Variants in RBM12 observed in about 807,000 individuals in gnomAD.
RBM12 encodes RNA binding motif protein 12.
Under a neutral mutation model 37.2 loss-of-function variants are expected in RBM12, and 24 were observed. That is an observed-to-expected ratio of 0.65 (90% CI 0.47 to 0.91). RBM12 has a LOEUF of 0.91. Among genes scored for constraint, RBM12 ranks in the 40% least tolerant of loss-of-function variants. The pLI is 0.00. For missense variants in RBM12, 1,061 were observed against 1,183.2 expected (o/e 0.90, Z 1.52); for synonymous variants, 420 against 425.2 (o/e 0.99, Z 0.15).
At position 35,653,533 on chromosome 20, in the gene RBM12, T is replaced by C. The variant is rs750141339; in HGVS notation, c.1790A>G (p.Asp597Gly). 6.2e-7 allele frequency: 1 copy of C among 1,614,138 alleles called. No individual in the cohort carries two copies. The highest frequency in any genetic ancestry group is 1.3e-5 in the African/African-American group (1 of 74,944). The change falls in exon 3 of 3, where the codon GAT becomes GGT. Residue 597 changes from aspartate (D) to glycine (G), a missense_variant. Coordinates refer to ENST00000374114, the MANE Select transcript of RBM12 (RefSeq NM_006047.6). ...QALVQFKNED[D>G]ARKSERLHRK... ...GTGTAAGCGTTCAGACTTACGTGCA[T>C]CATCTTCATTTTTAAACTGAACCAA...
At position 35,654,816 on chromosome 20, in the gene RBM12, T is replaced by C; in HGVS notation, c.507A>G (p.Pro169=). Residue 169 remains proline (P), a synonymous_variant, in exon 3 of 3, where the codon CCA becomes CCG. Coordinates refer to ENST00000374114, the MANE Select transcript of RBM12 (RefSeq NM_006047.6). ...TGCTTGGAACAGTTGAGCTAAACGT[T>C]GGGCTCCCAAAGGAAGCCCCCATAT... The part of the protein sequence containing the change: ...PPNMGASFGS[P]TFSSTVPSTA... The C allele has an allele frequency of 6.2e-7, 1 of 1,614,228 alleles. No individual in the cohort carries two copies.
Position 35,654,847 on chromosome 20 carries a change from G to C in RBM12, c.476C>G (p.Pro159Arg). The C allele has an allele frequency of 6.2e-7, 1 of 1,614,212 alleles. No individual in the cohort carries two copies. The highest frequency in any genetic ancestry group is 1.3e-5 in the African/African-American group (1 of 75,038). ...TFSTASVGTA[P>R]PNMGASFGSP... ...CCCAAAGGAAGCCCCCATATTTGGA[G>C]GAGCTGTTCCTACGCTGGCTGTGGA... The change falls in exon 3 of 3, where the codon CCT (proline) becomes CGT (arginine). Residue 159 changes from proline to arginine, a missense_variant. By Grantham distance (103) the Pro-to-Arg change is moderately radical. Coordinates refer to ENST00000374114, the MANE Select transcript of RBM12 (RefSeq NM_006047.6).
Position 35,654,651 on chromosome 20 carries a change from G to T in RBM12, c.672C>A (p.Pro224=). ...VPTLPPVPPV[P]PIPPVPSVPP... ...GCACAGAAGGAACTGGGGGAATCGG[G>T]GGCACAGGAGGCACAGGAGGCAATG... Residue 224 remains proline, a synonymous_variant, in exon 3 of 3, where the codon CCC becomes CCA. Transcript: ENST00000374114. 1.9e-6 allele frequency: 3 copies of T among 1,613,820 alleles called. No homozygotes were observed. In the South Asian group the frequency reaches 3.3e-5, roughly 18 times the overall value.
Position 35,654,074 on chromosome 20 carries a change from G to C in RBM12, c.1249C>G (p.Gln417Glu), listed in dbSNP as rs752561317. 1 of 1,614,176 alleles carries C rather than the reference G, an allele frequency of 6.2e-7. No homozygotes were observed. The highest frequency in any genetic ancestry group is 8.5e-7 in the Non-Finnish European group (1 of 1,180,038). ...GGTGATCTTGACCTTGATCTTTTCTGCCCACTGGGCGATTTTGACCTGGGA... is the reference window on the plus strand; with the variant it reads ...GGTGATCTTGACCTTGATCTTTTCTCCCCACTGGGCGATTTTGACCTGGGA... ...TLPRSKSPSG[Q>E]KRSRSRSPHE... The change falls in exon 3 of 3, where the codon CAG (glutamine) becomes GAG (glutamate). Residue 417 changes from glutamine to glutamate, a missense_variant. Transcript: ENST00000374114.
rs779714290 is a variant in RBM12 at position 35,654,390 on chromosome 20, C to T, written c.933G>A (p.Met311Ile). ...CATCATTTTCCATTGCAGAAAAGGGCATTCCATGCACACTGACATACAGAT... is the reference window on the plus strand; with the variant it reads ...CATCATTTTCCATTGCAGAAAAGGGTATTCCATGCACACTGACATACAGAT... ...PDDLYVSVHG[M>I]PFSAMENDVR... is the part of the protein sequence containing the mutation. Residue 311 changes from methionine to isoleucine, a missense_variant, in exon 3 of 3, where the codon ATG (methionine) becomes ATA (isoleucine). Transcript: ENST00000374114. The T allele has an allele frequency of 1.2e-6, 2 of 1,614,098 alleles. No individual in the cohort carries two copies. The highest frequency in any genetic ancestry group is 1.1e-5 in the South Asian group (1 of 91,080).
chr20:35,655,293 G>A lies in RBM12; in HGVS notation c.30C>T (p.Leu10=). The A allele has an allele frequency of 1.2e-6, 2 of 1,611,458 alleles. No individual in the cohort carries two copies. The highest frequency in any genetic ancestry group is 1.7e-6 in the Non-Finnish European group (2 of 1,179,944). MAVVIRLQG[L]PIVAGTMDIR... ...TGTCCATGGTCCCCGCCACAATTGG[G>A]AGACCTTGCAAACGGATGACCACAG... The change falls in exon 3 of 3, where the codon CTC becomes CTT. Residue 10 remains leucine, a synonymous_variant. Transcript: ENST00000374114.
Position 35,653,985 on chromosome 20 carries a change from G to A in RBM12, c.1338C>T (p.Val446=), listed in dbSNP as rs1433550912. ...TATCCAGCTTTTTAAAAAAATCAATGACATGTTTGTTTTCTGCTTCAAATG... is the reference window on the plus strand; with the variant it reads ...TATCCAGCTTTTTAAAAAAATCAATAACATGTTTGTTTTCTGCTTCAAATG... ...GLPFEAENKH[V]IDFFKKLDIV... Residue 446 remains valine (V), a synonymous_variant, in exon 3 of 3, where the codon GTC becomes GTT. Coordinates refer to ENST00000374114, the MANE Select transcript of RBM12 (RefSeq NM_006047.6). 22 of 1,614,098 alleles carry A rather than the reference G, an allele frequency of 1.4e-5. No individual in the cohort carries two copies. Among genetic ancestry groups the A allele is most frequent in the Non-Finnish European group, 1.8e-5 (21 of 1,180,034 alleles).
At chr20:35,658,034 G>A (rs999865429) in intron 2 of RBM12, among the ~76,000 whole-genome samples, 2 of 151,790 alleles carry the variant, frequency 1.3e-5, no homozygotes, top group African/African-American at 2.4e-5. Context: ...CAACAAGAGC[G>A]AAACTCTGTC....
In RBM12 at chr20:35,653,514, G is replaced by T. The variant is rs1477810179; in HGVS notation, c.1809C>A (p.Arg603=). Residue 603 remains arginine (R), a synonymous_variant, in exon 3 of 3, where the codon CGC becomes CGA. Coordinates refer to ENST00000374114, the MANE Select transcript of RBM12 (RefSeq NM_006047.6). The part of the protein sequence containing the change: ...KNEDDARKSE[R]LHRKKLNGRE... ...TCCCATTAAGTTTTTTACGGTGTAAGCGTTCAGACTTACGTGCATCATCTT... is the reference window on the plus strand; with the variant it reads ...TCCCATTAAGTTTTTTACGGTGTAATCGTTCAGACTTACGTGCATCATCTT... 1 of 1,614,194 alleles carries T rather than the reference G, an allele frequency of 6.2e-7. No homozygotes were observed. The highest frequency in any genetic ancestry group is 2.2e-5 in the East Asian group (1 of 44,892).
In RBM12 at chr20:35,651,037, G is replaced by GA. The variant is rs1387289395; in HGVS notation, c.*1486dup. 6.6e-6 allele frequency: 1 copy of GA among 152,330 alleles called. No homozygotes were observed. Among genetic ancestry groups the GA allele is most frequent in the Non-Finnish European group, 1.5e-5 (1 of 68,016 alleles). The allele number at this position is 152,330 out of a possible 1,614,324, so 9.4% of individuals were successfully genotyped here. A position where few individuals can be genotyped will look rare whatever the true frequency, so the allele number is the denominator to read the frequency against. On this transcript the variant is annotated 3_prime_UTR_variant, in exon 3 of 3. Coordinates refer to ENST00000374114, the MANE Select transcript of RBM12 (RefSeq NM_006047.6). ...ACACATTTTCAGAGCATTGACTAGG[G>GA]AAAGTAACCATAACTAGAGCCCTGT...
Position 35,654,330 on chromosome 20 carries a change from T to G in RBM12, c.993A>C (p.Ala331=). Residue 331 remains alanine, a synonymous_variant, in exon 3 of 3, where the codon GCA becomes GCC. Transcript: ENST00000374114. ...CTACATGATCTTTCAACAAATGCAC[T>G]GCATCAACACGGAGCCCATGAAAAA... ...RDFFHGLRVD[A]VHLLKDHVGR... 1.9e-6 allele frequency: 3 copies of G among 1,614,204 alleles called. No individual in the cohort carries two copies. The highest frequency in any genetic ancestry group is 2.5e-6 in the Non-Finnish European group (3 of 1,180,038).
Position 35,654,553 on chromosome 20 carries a change from G to C in RBM12, c.770C>G (p.Ala257Gly). The change falls in exon 3 of 3, where the codon GCT becomes GGT. Residue 257 changes from alanine to glycine, a missense_variant. Around this residue, in one of 3 missense-constraint regions of RBM12, gnomAD observed 540 missense variants for 632.7 expected, o/e 0.85. Coordinates refer to ENST00000374114, the MANE Select transcript of RBM12 (RefSeq NM_006047.6). ...AGGTGCTCCAGAGCCATTCATTCCA[G>C]CAGGTAGAGGTGCCACAGGTGGCGG... ...LNPPPVAPLP[A>G]GMNGSGAPMN... The C allele has an allele frequency of 6.2e-7, 1 of 1,614,230 alleles. No homozygotes were observed. Among genetic ancestry groups the C allele is most frequent in the South Asian group, 1.1e-5 (1 of 91,084 alleles).
chr20:35,662,597 T>C (rs2034291004), intron 1 of RBM12, among the ~76,000 whole-genome samples: 2 of 152,230 alleles, frequency 1.3e-5, no homozygotes, highest in Non-Finnish European at 1.5e-5. Flanking sequence ...AACCAACTAC[T>C]GACACTTGGT....
intron 2 of RBM12, 81 bp downstream of exon 2, chr20:35,658,849 C>A: frequency 3.0e-6 from 2 of 664,806 alleles, no homozygotes; most frequent in Admixed American, 2.2e-5. Flanking sequence ...AATATAGTTG[C>A]TACATATATT....
chr20:35,657,236 G>A (rs888455234), intron 2 of RBM12, among the ~76,000 whole-genome samples: 10 of 152,076 alleles, frequency 6.6e-5, no homozygotes, highest in East Asian at 5.8e-4. Context: ...AAAAATTAAC[G>A]CTAAAAAACA....
chr20:35,657,707 A>G (rs984510294), intron 2 of RBM12, among the ~76,000 whole-genome samples: 7 of 152,248 alleles, frequency 4.6e-5, no homozygotes, highest in South Asian at 2.1e-4. Flanking sequence ...AGTGGAATAC[A>G]AGATTTATTC....
chr20:35,652,411 T>G lies in RBM12; in HGVS notation c.*113A>C, dbSNP rs1029783009. 101 of 1,252,220 alleles carry G rather than the reference T, an allele frequency of 8.1e-5. No individual in the cohort carries two copies. The highest frequency in any genetic ancestry group is 1.1e-4 in the Non-Finnish European group (97 of 905,180). 77.6% of individuals were successfully genotyped at this position (1,252,220 alleles called of 1,614,324 possible). On this transcript the variant is annotated 3_prime_UTR_variant, in exon 3 of 3. Coordinates refer to ENST00000374114, the MANE Select transcript of RBM12 (RefSeq NM_006047.6). ...ATGCTCTATGTTATGGAAACCAAGC[T>G]ATATGCAATTGAAACAATCCACAGG...
intron 2 of RBM12, among the ~76,000 whole-genome samples, chr20:35,656,125 T>A (rs2033883522): frequency 6.7e-6 from 1 of 149,810 alleles, no homozygotes; most frequent in Non-Finnish European, 1.5e-5. Context: ...TCACTGTGAC[T>A]ATTTTAATTA....
intron 1 of RBM12, among the ~76,000 whole-genome samples, chr20:35,663,127 GTTC>G (rs2034326943): frequency 6.6e-6 from 1 of 152,096 alleles, no homozygotes; most frequent in Non-Finnish European, 1.5e-5. Context: ...ACCTGTAACA[GTTC>G]TTCCCAACTT....
Sources: allele counts gnomAD v4.1 joint callset (sites outside exome capture counted in the v4.1 genomes callset), GRCh38; gene constraint gnomAD v4.1.1; regional missense constraint gnomAD v4.1.1; transcripts MANE v1.5; gene names NCBI Gene and HGNC (gene_info 2026-07-23, HGNC 2026-07-21).